Variants in CXCL13 observed in about 807,000 individuals in gnomAD.
The protein encoded by CXCL13 is C-X-C motif chemokine ligand 13, also known as C-X-C motif chemokine 13.
CXCL13 carries 7 observed loss-of-function variants against 12.2 expected under a neutral mutation model. The ratio of observed to expected loss-of-function variants is 0.57; its 90% confidence interval spans 0.33 to 1.07. CXCL13 has a LOEUF of 1.07. Ranked by LOEUF, CXCL13 falls within the 50% of genes least tolerant of loss-of-function variation. The probability of loss-of-function intolerance (pLI) is 0.04; values close to 1 mark genes in which losing one functional copy is unlikely to be tolerated. For synonymous variants in CXCL13, 47 were observed against 42.4 expected (o/e 1.11, Z -0.42); for missense variants, 113 against 127.4 (o/e 0.89, Z 0.55).
At chr4:77,528,955 A>G (rs1424627806) in intron 1 of CXCL13, among the ~76,000 whole-genome samples, 9 of 152,188 alleles carry the variant, frequency 5.9e-5, no homozygotes, top group Non-Finnish European at 1.5e-5. Flanking sequence ...TAATTTTTGT[A>G]TAAGGTGTAA....
chr4:77,571,479 T>A (rs1726078020), intron 1 of CXCL13, among the ~76,000 whole-genome samples: 1 of 151,782 alleles, frequency 6.6e-6, no homozygotes, highest in South Asian at 2.1e-4. Flanking sequence ...GCACCCTGTG[T>A]TTAGCTCAAG....
At chr4:77,525,294 A>G (rs182108265) in intron 1 of CXCL13, among the ~76,000 whole-genome samples, 8 of 152,330 alleles carry the variant, frequency 5.3e-5, no homozygotes, top group African/African-American at 1.7e-4. Context: ...TTTTCTTCAA[A>G]TAACCAGCTC....
At chr4:77,541,277 T>G (rs761957698) in intron 1 of CXCL13, among the ~76,000 whole-genome samples, 11 of 152,166 alleles carry the variant, frequency 7.2e-5, no homozygotes, top group Non-Finnish European at 1.6e-4. Flanking sequence ...AGTTGTCAAT[T>G]TTTATTTTTG....
intron 1 of CXCL13, among the ~76,000 whole-genome samples, chr4:77,581,373 G>C (rs1165880102): frequency 6.6e-6 from 1 of 152,126 alleles, no homozygotes; most frequent in African/African-American, 2.4e-5. Flanking sequence ...TTGGATTAAC[G>C]TTGTTTAAAA....
At position 77,611,701 on chromosome 4, in the gene CXCL13, A is replaced by G. The variant is rs1727160802; in HGVS notation, c.*662A>G. ...TCCTTTCACACATTTGCCTTGACAA[A>G]CTTCTTTCACTCACATCTTTTTCAC... On this transcript the variant is annotated 3_prime_UTR_variant, in exon 4 of 4. Coordinates refer to ENST00000682537, the MANE Select transcript of CXCL13 (RefSeq NM_001371558.1). 7 of 388,972 alleles carry G rather than the reference A, an allele frequency of 1.8e-5. No homozygotes were observed. The highest frequency in any genetic ancestry group is 3.1e-5 in the Non-Finnish European group (7 of 223,546). 24.1% of individuals were successfully genotyped at this position (388,972 alleles called of 1,614,324 possible). A position where few individuals can be genotyped will look rare whatever the true frequency, so the allele number is the denominator to read the frequency against.
At chr4:77,549,971 C>A (rs1725468253) in intron 1 of CXCL13, among the ~76,000 whole-genome samples, 1 of 152,236 alleles carries the variant, frequency 6.6e-6, no homozygotes, top group East Asian at 1.9e-4. Flanking sequence ...GGCAGGCAGA[C>A]CTCCTTGAGC....
intron 1 of CXCL13, among the ~76,000 whole-genome samples, chr4:77,595,941 G>A (rs191719857): frequency 6.4e-4 from 97 of 152,268 alleles, no homozygotes; most frequent in African/African-American, 2.3e-3. Flanking sequence ...ATCACATAGA[G>A]GCTCCTCAAT....
chr4:77,576,395 C>A (rs958261969), intron 1 of CXCL13, among the ~76,000 whole-genome samples: 9 of 152,288 alleles, frequency 5.9e-5, no homozygotes, highest in Admixed American at 4.6e-4. Context: ...TCTCTCTCTG[C>A]CTGGCTTCTC....
chr4:77,600,148 C>T (rs954725302), intron 1 of CXCL13, among the ~76,000 whole-genome samples: 5 of 151,334 alleles, frequency 3.3e-5, no homozygotes, highest in Admixed American at 2.0e-4. Context: ...ATCTAGGAGG[C>T]CTCTATGAAG....
intron 1 of CXCL13, among the ~76,000 whole-genome samples, chr4:77,580,208 C>T (rs1409379503): frequency 6.8e-6 from 1 of 147,324 alleles, no homozygotes; most frequent in Non-Finnish European, 1.5e-5. Context: ...GCAATCTATG[C>T]ATGTAACAAA....
At chr4:77,525,876 C>T (rs1043072104) in intron 1 of CXCL13, among the ~76,000 whole-genome samples, 5 of 149,322 alleles carry the variant, frequency 3.3e-5, no homozygotes, top group Non-Finnish European at 7.4e-5. Flanking sequence ...AAATTTTCCT[C>T]TAAACTTTTA....
chr4:77,559,099 C>G (rs1725734284), intron 1 of CXCL13, among the ~76,000 whole-genome samples: 1 of 152,174 alleles, frequency 6.6e-6, no homozygotes, highest in South Asian at 2.1e-4. Flanking sequence ...AACTAAACAA[C>G]CATCTCACGC....
intron 1 of CXCL13, among the ~76,000 whole-genome samples, chr4:77,546,285 C>T (rs1196035363): frequency 1.3e-5 from 2 of 152,156 alleles, no homozygotes; most frequent in Non-Finnish European, 2.9e-5. Context: ...GGAGGATGCC[C>T]TCTTTTTCTA....
At chr4:77,590,376 G>T (rs1039365064) in intron 1 of CXCL13, among the ~76,000 whole-genome samples, 3 of 152,230 alleles carry the variant, frequency 2.0e-5, no homozygotes, top group Non-Finnish European at 4.4e-5. Flanking sequence ...GCTGACAGCT[G>T]TGGGGGATTC....
Position 77,515,186 on chromosome 4 carries a change from G to A in CXCL13, c.-43+3398G>A, listed in dbSNP as rs185173652. 8.1e-3 allele frequency among the ~76,000 whole-genome samples: 1,235 copies of A among 152,224 alleles called. 15 individuals are homozygous for A. Among genetic ancestry groups the A allele is most frequent in the African/African-American group, 0.025 (1,051 of 41,536 alleles). ...TCTATATCTCTGTTTTAGTACCAGT[G>A]CCATGCTGTTTTGGTTACTGTAGCC... On this transcript the variant is annotated intron_variant, in intron 1 of 4. Coordinates refer to the CXCL13 transcript ENST00000286758.
At chr4:77,587,137 G>T (rs551869245) in intron 1 of CXCL13, among the ~76,000 whole-genome samples, 1 of 152,286 alleles carries the variant, frequency 6.6e-6, no homozygotes, top group East Asian at 1.9e-4. Context: ...TTGTCAACAA[G>T]TTAGTCAACA....
chr4:77,575,481 G>A (rs200086185), intron 1 of CXCL13, among the ~76,000 whole-genome samples: 1 of 151,438 alleles, frequency 6.6e-6, no homozygotes, highest in African/African-American at 2.4e-5. Context: ...GATGTGTGAT[G>A]TTCCCCTCCC....
chr4:77,537,151 G>A (rs1177678222), intron 1 of CXCL13, among the ~76,000 whole-genome samples: 2 of 152,170 alleles, frequency 1.3e-5, no homozygotes, highest in East Asian at 1.9e-4. Context: ...ACATGAGCAA[G>A]GCATAAAGAA....
intron 1 of CXCL13, among the ~76,000 whole-genome samples, chr4:77,565,279 A>G (rs1264464222): frequency 6.6e-6 from 1 of 152,220 alleles, no homozygotes; most frequent in African/African-American, 2.4e-5. Context: ...CAACTGGGAG[A>G]AGACGAATAA....
Sources: allele counts gnomAD v4.1 joint callset (sites outside exome capture counted in the v4.1 genomes callset), GRCh38; gene constraint gnomAD v4.1.1; transcripts MANE v1.5; gene names NCBI Gene and HGNC (gene_info 2026-07-23, HGNC 2026-07-21).